Variants in IFT43 observed in about 807,000 individuals in gnomAD.
IFT43 encodes the protein intraflagellar transport protein 43 homolog.
In IFT43, 33 loss-of-function variants were observed where a neutral mutation model predicts 32.3. The observed-to-expected ratio is 1.02, with a 90% CI of 0.77 to 1.37. IFT43 has a LOEUF of 1.37. Among genes scored for constraint, IFT43 ranks in the 40% most tolerant of loss-of-function variants. The pLI, the probability that IFT43 is intolerant of heterozygous loss-of-function variation, is 0.00. For synonymous variants in IFT43, 93 were observed against 98.2 expected (o/e 0.95, Z 0.31); for missense variants, 274 against 265.9 (o/e 1.03, Z -0.21).
chr14:76,000,999 A>G (rs931101752), intron 2 of IFT43, among the ~76,000 whole-genome samples: 33 of 152,234 alleles, frequency 2.2e-4, no homozygotes, highest in African/African-American at 7.5e-4. Flanking sequence ...GATAACAGAT[A>G]TGGGGGTCAT....
chr14:76,044,207 T>G (rs894176774), intron 3 of IFT43, among the ~76,000 whole-genome samples: 3 of 151,942 alleles, frequency 2.0e-5, no homozygotes, highest in Non-Finnish European at 4.4e-5. Context: ...GCCCAGCTAA[T>G]TGTTGTATTT....
intron 2 of IFT43, among the ~76,000 whole-genome samples, chr14:76,011,258 GTTC>G (rs1423288822): frequency 6.6e-6 from 1 of 152,152 alleles, no homozygotes; most frequent in African/African-American, 2.4e-5. Flanking sequence ...GATCAGGCCA[GTTC>G]TTCTACCAGA....
chr14:76,039,977 G>A (rs1219932870), intron 3 of IFT43, among the ~76,000 whole-genome samples: 1 of 152,152 alleles, frequency 6.6e-6, no homozygotes, highest in Non-Finnish European at 1.5e-5. Context: ...TTTTACAAAA[G>A]GGTCTCACTC....
At chr14:76,018,761 G>T (rs1295288495) in intron 2 of IFT43, among the ~76,000 whole-genome samples, 1 of 151,956 alleles carries the variant, frequency 6.6e-6, no homozygotes, top group Non-Finnish European at 1.5e-5. Context: ...CTGTTATATT[G>T]ATCCCCTTAT....
At chr14:76,081,601 G>C (rs2037511239) in intron 5 of IFT43, among the ~76,000 whole-genome samples, 1 of 152,244 alleles carries the variant, frequency 6.6e-6, no homozygotes, top group Non-Finnish European at 1.5e-5. Context: ...ACTGGTGGAA[G>C]AAATGGCCTC....
At chr14:76,023,558 G>A (rs2036334721) in intron 3 of IFT43, among the ~76,000 whole-genome samples, 1 of 152,252 alleles carries the variant, frequency 6.6e-6, no homozygotes, top group Non-Finnish European at 1.5e-5. Flanking sequence ...GAAGAGAGAT[G>A]CATTTAGGAA....
At chr14:76,077,146 T>C (rs2037426951) in intron 5 of IFT43, among the ~76,000 whole-genome samples, 1 of 152,162 alleles carries the variant, frequency 6.6e-6, no homozygotes, top group Non-Finnish European at 1.5e-5. Flanking sequence ...TGGGCCATAC[T>C]GGACCAAGTT....
intron 3 of IFT43, among the ~76,000 whole-genome samples, chr14:76,034,682 G>C (rs1158175136): frequency 2.0e-5 from 3 of 152,188 alleles, no homozygotes; most frequent in African/African-American, 7.2e-5. Flanking sequence ...CACTGCCCAG[G>C]ATAGAGAACA....
chr14:76,057,778 AAAAC>A (rs1431475976), intron 3 of IFT43, among the ~76,000 whole-genome samples: 21 of 152,322 alleles, frequency 1.4e-4, no homozygotes, highest in African/African-American at 4.6e-4. Flanking sequence ...TAACTCATTT[AAAAC>A]AAACAAACAA....
intron 8 of IFT43, 32 bp downstream of exon 8, chr14:76,083,321 C>T (rs1035366994): frequency 3.7e-6 from 6 of 1,609,674 alleles, no homozygotes; most frequent in Non-Finnish European, 4.3e-6. Context: ...CCCGGTCTCT[C>T]AGCTCTGGCA....
chr14:76,008,546 C>T (rs2036020849), intron 2 of IFT43, among the ~76,000 whole-genome samples: 1 of 152,086 alleles, frequency 6.6e-6, no homozygotes, highest in African/African-American at 2.4e-5. Context: ...CACAAGGCTG[C>T]CCAGCTAGAA....
chr14:75,999,241 A>G (rs1202029058), intron 2 of IFT43, among the ~76,000 whole-genome samples: 2 of 12,976 alleles, frequency 1.5e-4, no homozygotes, highest in East Asian at 1.3e-3. Flanking sequence ...ATATATATAT[A>G]TATATATATA....
Position 75,988,891 on chromosome 14 carries a change from A to C in IFT43, c.61A>C (p.Lys21Gln), listed in dbSNP as rs757342190. Residue 21 changes from lysine (K) to glutamine (Q), a missense_variant, in exon 2 of 9, where the codon AAG becomes CAG. Coordinates refer to ENST00000314067, the MANE Select transcript of IFT43 (RefSeq NM_001102564.3). ...CTTCTGTTTCTCCTTACAGAGGGCC[A>C]AGATGGGTCGCCGAGCTCAACAGGA... ...LRYSLATSRA[K>Q]MGRRAQQESA... 6.2e-7 allele frequency: 1 copy of C among 1,614,036 alleles called. No individual in the cohort carries two copies. The highest frequency in any genetic ancestry group is 1.1e-5 in the South Asian group (1 of 91,074).
At chr14:75,997,655 T>C (rs1050023045) in intron 2 of IFT43, among the ~76,000 whole-genome samples, 1 of 152,172 alleles carries the variant, frequency 6.6e-6, no homozygotes, top group Non-Finnish European at 1.5e-5. Flanking sequence ...TTTGTTGTAA[T>C]GAGAAGTGAC....
chr14:76,062,106 T>G (rs1233533893), intron 5 of IFT43, among the ~76,000 whole-genome samples: 3 of 151,822 alleles, frequency 2.0e-5, no homozygotes, highest in Non-Finnish European at 4.4e-5. Context: ...AGTCTCACTC[T>G]GTTTCCTAGG....
At chr14:76,028,308 A>T (rs1244993309) in intron 3 of IFT43, among the ~76,000 whole-genome samples, 1 of 152,138 alleles carries the variant, frequency 6.6e-6, no homozygotes, top group African/African-American at 2.4e-5. Context: ...TCCTTGCCTG[A>T]ATCAGTTATT....
intron 5 of IFT43, among the ~76,000 whole-genome samples, chr14:76,076,143 A>C (rs1166024015): frequency 2.3e-4 from 35 of 152,230 alleles, no homozygotes; most frequent in Non-Finnish European, 1.5e-4. Context: ...GTGGGAAAGA[A>C]ATTTGGGAAG....
intron 2 of IFT43, among the ~76,000 whole-genome samples, chr14:76,013,524 G>A (rs1232010637): frequency 2.0e-5 from 3 of 152,178 alleles, no homozygotes; most frequent in African/African-American, 7.2e-5. Context: ...GGAGACAGCC[G>A]TTTTTTGAAA....
intron 5 of IFT43, among the ~76,000 whole-genome samples, chr14:76,075,622 A>G (rs1366317624): frequency 6.6e-6 from 1 of 152,224 alleles, no homozygotes; most frequent in Admixed American, 6.5e-5. Context: ...GTCCACAGGG[A>G]CAGAATTTGC....
Sources: allele counts gnomAD v4.1 joint callset (sites outside exome capture counted in the v4.1 genomes callset), GRCh38; gene constraint gnomAD v4.1.1; transcripts MANE v1.5; gene names NCBI Gene and HGNC (gene_info 2026-07-23, HGNC 2026-07-21).